GLIS1: variants seen among roughly 807,000 people sequenced by gnomAD.
GLIS1 encodes GLIS family zinc finger 1.
GLIS1 carries 24 observed loss-of-function variants against 63.8 expected under a neutral mutation model. The observed-to-expected ratio is 0.38, with a 90% CI of 0.27 to 0.53. GLIS1 has a LOEUF of 0.53. Ranked by LOEUF, GLIS1 falls within the 20% of genes least tolerant of loss-of-function variation. The pLI is 0.85. For synonymous variants in GLIS1, 450 were observed against 482.5 expected (o/e 0.93, Z 0.88); for missense variants, 1,036 against 1,074.1 (o/e 0.96, Z 0.50).
intron 2 of GLIS1, among the ~76,000 whole-genome samples, chr1:53,641,051 T>C (rs1645782177): frequency 6.6e-6 from 1 of 152,084 alleles, no homozygotes; most frequent in Admixed American, 6.5e-5. Context: ...GGCAGAAATG[T>C]AGAAAAGGGC....
At chr1:53,553,818 A>C (rs1001151412) in intron 4 of GLIS1, among the ~76,000 whole-genome samples, 5 of 152,306 alleles carry the variant, frequency 3.3e-5, no homozygotes, top group African/African-American at 4.8e-5. Context: ...TGGTGGGAAA[A>C]GAGACAGAGC....
rs771592962 is a variant in GLIS1, at chr1:53,677,351, G to A, written c.259+60455C>T. On this transcript the variant is annotated intron_variant, in intron 2 of 10. Transcript: ENST00000628545. ...GTAGGCACAAAGCTGCCGAGTGGCTGGCCAAGGCGGTACAGGCAGTGGGGA... is the reference window on the plus strand; with the variant it reads ...GTAGGCACAAAGCTGCCGAGTGGCTAGCCAAGGCGGTACAGGCAGTGGGGA... Among the ~76,000 whole-genome samples the A allele has an allele frequency of 1.8e-4, 28 of 152,332 alleles. No individual in the cohort carries two copies. The South Asian group carries it at 4.6e-3, about 25-fold the overall frequency.
At chr1:53,621,887 T>C (rs1239726164) in intron 2 of GLIS1, among the ~76,000 whole-genome samples, 1 of 152,078 alleles carries the variant, frequency 6.6e-6, no homozygotes, top group Non-Finnish European at 1.5e-5. Context: ...CTCCGCTCAC[T>C]GCAATCTCTG....
chr1:53,637,676 G>A (rs539077152), intron 2 of GLIS1, among the ~76,000 whole-genome samples: 1 of 152,264 alleles, frequency 6.6e-6, no homozygotes, highest in South Asian at 2.1e-4. Flanking sequence ...GGCCTAGGCT[G>A]CCCTAGGACA....
chr1:53,634,424 G>A (rs1645701692), intron 2 of GLIS1, among the ~76,000 whole-genome samples: 1 of 152,180 alleles, frequency 6.6e-6, no homozygotes, highest in Admixed American at 6.5e-5. Context: ...TAGCCAGAGG[G>A]GAAGGAAACC....
chr1:53,562,777 G>A (rs1019930472), intron 4 of GLIS1, among the ~76,000 whole-genome samples: 9 of 152,210 alleles, frequency 5.9e-5, no homozygotes, highest in Non-Finnish European at 1.3e-4. Flanking sequence ...GGTGATGACA[G>A]AGCCAGATCT....
At chr1:53,631,800 G>A (rs1003369464) in intron 2 of GLIS1, among the ~76,000 whole-genome samples, 5 of 152,052 alleles carry the variant, frequency 3.3e-5, no homozygotes, top group African/African-American at 1.2e-4. Context: ...TCTGGGTCTC[G>A]GGGGAGGGCA....
intron 7 of GLIS1, 72 bp from the exon 8 acceptor site, chr1:53,514,853 G>C: frequency 7.0e-7 from 1 of 1,436,698 alleles, no homozygotes; most frequent in South Asian, 1.4e-5. Flanking sequence ...CCCAGGAGCT[G>C]TGTGTGCCTG....
chr1:53,685,993 C>A (rs1399501023), intron 2 of GLIS1, among the ~76,000 whole-genome samples: 2 of 152,214 alleles, frequency 1.3e-5, no homozygotes, highest in African/African-American at 4.8e-5. Flanking sequence ...CCCTCCCCCT[C>A]TGCCCCTGCC....
At chr1:53,664,038 G>T (rs1240960617) in intron 2 of GLIS1, among the ~76,000 whole-genome samples, 1 of 152,206 alleles carries the variant, frequency 6.6e-6, no homozygotes, top group Non-Finnish European at 1.5e-5. Context: ...ATCCAACTCA[G>T]AAAATGAGGG....
chr1:53,633,804 C>T (rs959601357), intron 2 of GLIS1, among the ~76,000 whole-genome samples: 1 of 151,630 alleles, frequency 6.6e-6, no homozygotes, highest in East Asian at 1.9e-4. Flanking sequence ...AATGTCTCGG[C>T]GTGGGGGGGA....
chr1:53,636,775 G>A (rs1197321526), intron 2 of GLIS1, among the ~76,000 whole-genome samples: 1 of 152,196 alleles, frequency 6.6e-6, no homozygotes, highest in Non-Finnish European at 1.5e-5. Context: ...TGGGCCTTCT[G>A]GGAGCCCATG....
At chr1:53,547,010 A>G (rs1372753281) in intron 4 of GLIS1, among the ~76,000 whole-genome samples, 1 of 152,232 alleles carries the variant, frequency 6.6e-6, no homozygotes, top group African/African-American at 2.4e-5. Flanking sequence ...CCAGGGCCCA[A>G]CAAGGGACTG....
chr1:53,657,631 C>T (rs530810109), intron 2 of GLIS1, among the ~76,000 whole-genome samples: 114 of 152,234 alleles, frequency 7.5e-4, no homozygotes, highest in Non-Finnish European at 1.0e-3. Flanking sequence ...GGGAGAGGAC[C>T]GGGTCCAGCC....
chr1:53,704,885 C>T (rs1646561537), intron 2 of GLIS1, among the ~76,000 whole-genome samples: 1 of 152,176 alleles, frequency 6.6e-6, no homozygotes, highest in South Asian at 2.1e-4. Context: ...ACTGAATTTA[C>T]AGGGGTTGCA....
At chr1:53,606,946 C>T (rs1259603060) in intron 2 of GLIS1, among the ~76,000 whole-genome samples, 1 of 152,160 alleles carries the variant, frequency 6.6e-6, no homozygotes, top group East Asian at 1.9e-4. Flanking sequence ...ACACCCGAGC[C>T]AGCCCATAGC....
chr1:53,656,925 A>G (rs563530560), intron 2 of GLIS1, among the ~76,000 whole-genome samples: 2 of 152,338 alleles, frequency 1.3e-5, no homozygotes, highest in South Asian at 4.1e-4. Context: ...TCTGGGTCTA[A>G]GCTAGACCAG....
intron 2 of GLIS1, among the ~76,000 whole-genome samples, chr1:53,642,972 T>C (rs1238282965): frequency 6.6e-6 from 1 of 152,190 alleles, no homozygotes; most frequent in African/African-American, 2.4e-5. Flanking sequence ...AATTGTGAGC[T>C]GAGGAAACGT....
chr1:53,739,147 C>T lies in GLIS1; in HGVS notation c.-85G>A, dbSNP rs1171580775. Among the ~76,000 whole-genome samples the T allele has an allele frequency of 6.9e-6, 1 of 144,542 alleles. No individual in the cohort carries two copies. Among genetic ancestry groups the T allele is most frequent in the Non-Finnish European group, 1.5e-5 (1 of 65,046 alleles). The allele number at this position is 144,542 out of a possible 152,430, so 94.8% of individuals were successfully genotyped here. A position where few individuals can be genotyped will look rare whatever the true frequency, so the allele number is the denominator to read the frequency against. On this transcript the variant is annotated 5_prime_UTR_variant, in exon 1 of 11. Transcript: ENST00000628545. ...AGATCGCTGGGCGCCCGGCTCGGCGCGCCTCCACTGGCGCAGCAGCCCCCG... is the reference window on the plus strand; with the variant it reads ...AGATCGCTGGGCGCCCGGCTCGGCGTGCCTCCACTGGCGCAGCAGCCCCCG...
Sources: gnomAD v4.1 joint callset for allele counts (sites outside exome capture counted in the v4.1 genomes callset) on GRCh38, gnomAD v4.1.1 for gene constraint, MANE v1.5 for transcripts, NCBI Gene and HGNC (gene_info 2026-07-23, HGNC 2026-07-21) for gene names.